UTP6: variants seen among roughly 807,000 people sequenced by gnomAD.
UTP6 encodes U3 small nucleolar RNA-associated protein 6 homolog.
In UTP6, 60 loss-of-function variants were observed where a neutral mutation model predicts 96.5. The ratio of observed to expected loss-of-function variants is 0.62; its 90% confidence interval spans 0.51 to 0.77. The LOEUF (loss-of-function observed/expected upper bound fraction) is 0.77, where lower values mean the gene tolerates loss of function less well. Ranked by LOEUF, UTP6 falls within the 30% of genes least tolerant of loss-of-function variation. The pLI is 0.00. For synonymous variants in UTP6, 215 were observed against 240.1 expected (o/e 0.90, Z 0.96); for missense variants, 637 against 706.5 (o/e 0.90, Z 1.12).
At position 31,885,914 on chromosome 17, in the gene UTP6, A is replaced by G. The variant is rs1020649859; in HGVS notation, c.703+66T>C. The G allele has an allele frequency of 9.0e-6, 13 of 1,436,696 alleles. No homozygotes were observed. In the African/African-American group the frequency reaches 1.6e-4, roughly 17 times the overall value. 89.0% of individuals were successfully genotyped at this position (1,436,696 alleles called of 1,614,324 possible). A position where few individuals can be genotyped will look rare whatever the true frequency, so the allele number is the denominator to read the frequency against. ...CTAATGGAAAATTTCAAAACTAGCT[A>G]AAGATCTTCATTAAGAAAAGAATGT... On this transcript the variant is annotated intron_variant, in intron 9 of 18. Coordinates refer to ENST00000261708, the MANE Select transcript of UTP6 (RefSeq NM_018428.3).
chr17:31,889,474 T>C, intron 6 of UTP6, 71 bp from the exon 7 acceptor site: 6 of 1,106,826 alleles, frequency 5.4e-6, no homozygotes, highest in Non-Finnish European at 7.8e-6. Context: ...AACCAAATGA[T>C]CCAATTTTAA....
At chr17:31,879,338 C>T (rs567305520) in intron 11 of UTP6, among the ~76,000 whole-genome samples, 1 of 152,052 alleles carries the variant, frequency 6.6e-6, no homozygotes, top group South Asian at 2.1e-4. Flanking sequence ...TGTAGTAACC[C>T]GAGATCGTGT....
chr17:31,901,468 C>T (rs1425115268), intron 1 of UTP6, 68 bp downstream of exon 1: 108 of 1,478,786 alleles, frequency 7.3e-5, no homozygotes, highest in Non-Finnish European at 9.8e-5. Flanking sequence ...CACATCTAGC[C>T]CCTGCCACAC....
intron 7 of UTP6, among the ~76,000 whole-genome samples, 163 bp downstream of exon 7, chr17:31,889,122 T>C (rs1379381055): frequency 6.6e-6 from 1 of 150,886 alleles, no homozygotes; most frequent in African/African-American, 2.4e-5. Flanking sequence ...CCGCCTCTAC[T>C]AAAAATACAA....
chr17:31,880,428 A>T, intron 11 of UTP6, 145 bp downstream of exon 11: 30 of 739,316 alleles, frequency 4.1e-5, no homozygotes, highest in Non-Finnish European at 5.4e-5. Context: ...CTCCCAATAA[A>T]AAAAAAAAAA....
intron 18 of UTP6, 141 bp from the exon 19 acceptor site, chr17:31,863,657 C>A: frequency 1.3e-6 from 1 of 745,266 alleles, no homozygotes; most frequent in Non-Finnish European, 2.1e-6. Context: ...AACAATACCT[C>A]TCTTAGCTTC....
chr17:31,863,458 G>C lies in UTP6; in HGVS notation c.1695C>G (p.Asn565Lys). Residue 565 changes from asparagine to lysine, a missense_variant, in exon 19 of 19, where the codon AAC becomes AAG. Transcript: ENST00000261708. ...ELNHPLGRPE[N>K]CGQIYWRAMK... Reference sequence around the variant, plus strand: ...TCGCTCGCCAGTAGATCTGTCCACAGTTCTCAGGTCTACCAAGGGGGTGGT... The same window carrying C: ...TCGCTCGCCAGTAGATCTGTCCACACTTCTCAGGTCTACCAAGGGGGTGGT... The C allele has an allele frequency of 6.2e-7, 1 of 1,613,970 alleles. No individual in the cohort carries two copies. Among genetic ancestry groups the C allele is most frequent in the Non-Finnish European group, 8.5e-7 (1 of 1,179,998 alleles).
rs1909543956 is a variant in UTP6 at position 31,861,080 on chromosome 17, C to T, written c.*2279G>A. ...ACATCACACATACACACACAAAATA[C>T]CTCTGGGCATCAAAAATCGCCACAA... On this transcript the variant is annotated 3_prime_UTR_variant, in exon 19 of 19. Transcript: ENST00000261708. 1 of 151,912 alleles carries T rather than the reference C, an allele frequency of 6.6e-6. No homozygotes were observed. The highest frequency in any genetic ancestry group is 2.1e-4 in the South Asian group (1 of 4,804). The allele number at this position is 151,912 out of a possible 1,614,324, so 9.4% of individuals were successfully genotyped here.
intron 6 of UTP6, 149 bp from the exon 7 acceptor site, chr17:31,889,552 A>G (rs1009213875): frequency 1.9e-6 from 1 of 539,846 alleles, no homozygotes; most frequent in Non-Finnish European, 3.2e-6. Context: ...GCTGGAGTGC[A>G]GTGACGCAAT....
chr17:31,901,512 TC>T, intron 1 of UTP6, 23 bp downstream of exon 1: 1 of 1,612,384 alleles, frequency 6.2e-7, no homozygotes, highest in Non-Finnish European at 8.5e-7. Flanking sequence ...CCTCAGCTCT[TC>T]CCTCTCCCCA....
intron 14 of UTP6, among the ~76,000 whole-genome samples, chr17:31,874,889 G>A (rs140303511): frequency 0.02 from 2,877 of 142,992 alleles, 34 homozygotes; most frequent in Non-Finnish European, 0.026. Flanking sequence ...CTGAGATCAC[G>A]CCACTGCACT....
At chr17:31,882,277 C>T (rs1210150670) in intron 10 of UTP6, among the ~76,000 whole-genome samples, 3 of 150,294 alleles carry the variant, frequency 2.0e-5, no homozygotes, top group African/African-American at 2.4e-5. Context: ...GTGATCCGCC[C>T]GCCTCGGCCT....
intron 10 of UTP6, among the ~76,000 whole-genome samples, chr17:31,882,220 G>A (rs531438778): frequency 2.2e-4 from 33 of 151,840 alleles, no homozygotes; most frequent in African/African-American, 7.5e-4. Context: ...TAGTAGAGGC[G>A]GGGTTTCACC....
intron 6 of UTP6, among the ~76,000 whole-genome samples, chr17:31,891,487 G>A (rs887451533): frequency 6.6e-6 from 1 of 152,128 alleles, no homozygotes; most frequent in East Asian, 1.9e-4. Flanking sequence ...TAAGATATCT[G>A]ATTAAGCCTA....
intron 2 of UTP6, among the ~76,000 whole-genome samples, chr17:31,895,647 C>T (rs565065080): frequency 1.3e-5 from 2 of 152,006 alleles, no homozygotes; most frequent in Non-Finnish European, 1.5e-5. Flanking sequence ...GATTCTCCTG[C>T]CTCAGCCTCC....
chr17:31,883,790 C>T (rs1056894743), intron 10 of UTP6, among the ~76,000 whole-genome samples: 4 of 151,860 alleles, frequency 2.6e-5, no homozygotes, highest in African/African-American at 9.7e-5. Flanking sequence ...GATCTTCCCA[C>T]CTCAGCCTCC....
chr17:31,878,469 T>G, intron 12 of UTP6, 142 bp from the exon 13 acceptor site: 1 of 867,142 alleles, frequency 1.2e-6, no homozygotes, highest in South Asian at 1.6e-5. Flanking sequence ...CACTTATGAA[T>G]AGATGCAATG....
At chr17:31,899,793 T>C (rs1191605918) in intron 1 of UTP6, 63 bp from the exon 2 acceptor site, 1 of 1,171,094 alleles carries the variant, frequency 8.5e-7, no homozygotes, top group African/African-American at 1.6e-5. Context: ...TAAGTTTATT[T>C]TGAATATATT....
chr17:31,867,986 A>G, intron 17 of UTP6, 60 bp downstream of exon 17: 1 of 1,555,230 alleles, frequency 6.4e-7, no homozygotes, highest in South Asian at 1.2e-5. Flanking sequence ...AAACAGTCTG[A>G]TAGATTAGTA....
Sources: allele counts gnomAD v4.1 joint callset (sites outside exome capture counted in the v4.1 genomes callset), GRCh38; gene constraint gnomAD v4.1.1; transcripts MANE v1.5; gene names NCBI Gene and HGNC (gene_info 2026-07-23, HGNC 2026-07-21).